The following DHX57 variants were observed in gnomAD, a reference collection of about 807,000 sequenced individuals.
DHX57 encodes the protein DExH-box helicase 57.
Under a neutral mutation model 156.2 loss-of-function variants are expected in DHX57, and 105 were observed. The ratio of observed to expected loss-of-function variants is 0.67; its 90% CI spans 0.57 to 0.79. DHX57 has a LOEUF of 0.79. DHX57 is among the 30% of genes least tolerant of loss of function. The pLI is 0.00. For synonymous variants in DHX57, 704 were observed against 595.6 expected (o/e 1.18, Z -2.65); for missense variants, 1,847 against 1,661.9 (o/e 1.11, Z -1.94).
chr2:38,854,768 G>A (rs576884302), intron 8 of DHX57: 42 of 266,960 alleles, frequency 1.6e-4, no homozygotes, highest in South Asian at 1.3e-3. Flanking sequence ...CTCCATGTTG[G>A]TCAGGCTGGT....
chr2:38,803,097 T>A, intron 22 of DHX57, 182 bp from the exon 23 acceptor site: 1 of 623,094 alleles, frequency 1.6e-6, no homozygotes, highest in East Asian at 2.8e-5. Flanking sequence ...CTCTTGGACA[T>A]TTAATACATA....
intron 14 of DHX57, 98 bp from the exon 15 acceptor site, chr2:38,826,787 G>C: frequency 2.3e-6 from 3 of 1,322,152 alleles, no homozygotes; most frequent in Non-Finnish European, 3.1e-6. Context: ...TATGACTTCA[G>C]GTATTAGCAA....
chr2:38,802,866 G>A lies in DHX57; in HGVS notation c.3866C>T (p.Thr1289Ile). ...PYLLYHEKIK[T>I]SRVFIRDCSM... ...GCAGTCTCGGATGAATACTCGACTA[G>A]TTTTTATCTTCTCGTGGTACAACAG... The change falls in exon 23 of 24, where the codon ACT (threonine) becomes ATT (isoleucine). Residue 1289 changes from threonine (T) to isoleucine (I), a missense_variant. Transcript: ENST00000457308. The A allele has an allele frequency of 6.2e-7, 1 of 1,614,122 alleles. No homozygotes were observed.
chr2:38,828,969 C>T (rs1345420703), intron 13 of DHX57, among the ~76,000 whole-genome samples: 1 of 152,044 alleles, frequency 6.6e-6, no homozygotes, highest in Non-Finnish European at 1.5e-5. Flanking sequence ...GAGACAAGGC[C>T]TTGCTCTGTC....
intron 23 of DHX57, among the ~76,000 whole-genome samples, chr2:38,798,816 C>T (rs754528196): frequency 5.3e-5 from 8 of 152,036 alleles, no homozygotes; most frequent in Non-Finnish European, 1.2e-4. Context: ...TGGTGGCATG[C>T]GCCTGTAATC....
intron 23 of DHX57, among the ~76,000 whole-genome samples, chr2:38,800,867 A>G (rs910094504): frequency 6.6e-6 from 1 of 152,184 alleles, no homozygotes; most frequent in Non-Finnish European, 1.5e-5. Context: ...GTCTATATGA[A>G]ATGTGGCCAG....
rs1473874603 is a variant in DHX57, at chr2:38,810,187, G to A, written c.3682-3494C>T. Among the ~76,000 whole-genome samples the A allele has an allele frequency of 3.3e-5, 5 of 151,264 alleles. No individual in the cohort carries two copies. In the East Asian group the frequency reaches 9.7e-4, roughly 29 times the overall value. On this transcript the variant is annotated intron_variant, in intron 21 of 23. Coordinates refer to ENST00000457308, the MANE Select transcript of DHX57 (RefSeq NM_198963.3). ...AGGGATTACAGACGTGAGCCACCGT[G>A]GCTGGCCTTAGTCTTTTTTTTTTTT...
chr2:38,869,704 A>C (rs1360209094), intron 1 of DHX57, among the ~76,000 whole-genome samples: 1 of 152,232 alleles, frequency 6.6e-6, no homozygotes, highest in Non-Finnish European at 1.5e-5. Flanking sequence ...AAATAACAAT[A>C]AGAAGCCCCT....
At chr2:38,853,991 A>T in intron 9 of DHX57, 63 bp downstream of exon 9, 3 of 1,489,542 alleles carry the variant, frequency 2.0e-6, no homozygotes, top group Non-Finnish European at 1.8e-6. Context: ...CTAGAAAACA[A>T]TTTTTTCTGC....
At chr2:38,837,540 G>A (rs1671743752) in intron 13 of DHX57, among the ~76,000 whole-genome samples, 1 of 131,288 alleles carries the variant, frequency 7.6e-6, no homozygotes, top group Admixed American at 9.8e-5. Flanking sequence ...GAACCCGGGA[G>A]GCGGAGATTG....
intron 19 of DHX57, among the ~76,000 whole-genome samples, chr2:38,816,369 C>T (rs1670547772): frequency 6.6e-6 from 1 of 152,064 alleles, no homozygotes. Context: ...TGTGTGCCAC[C>T]ACGCCCAGCC....
At chr2:38,817,617 C>T (rs1334730408) in intron 19 of DHX57, among the ~76,000 whole-genome samples, 1 of 151,926 alleles carries the variant, frequency 6.6e-6, no homozygotes, top group Non-Finnish European at 1.5e-5. Flanking sequence ...TCCCTGGCCT[C>T]ATCACTTTGG....
At chr2:38,844,079 C>A (rs1434212185) in intron 11 of DHX57, among the ~76,000 whole-genome samples, 1 of 152,142 alleles carries the variant, frequency 6.6e-6, no homozygotes, top group Admixed American at 6.6e-5. Flanking sequence ...TTCTATAATC[C>A]TGACTTCCTC....
intron 13 of DHX57, among the ~76,000 whole-genome samples, chr2:38,829,435 G>A (rs1255014583): frequency 6.6e-6 from 1 of 151,734 alleles, no homozygotes; most frequent in East Asian, 1.9e-4. Flanking sequence ...GCACACGCCA[G>A]CTAATTTTTG....
chr2:38,848,816 G>T (rs1672426366), intron 9 of DHX57, among the ~76,000 whole-genome samples: 2 of 152,160 alleles, frequency 1.3e-5, no homozygotes, highest in African/African-American at 4.8e-5. Flanking sequence ...CCATCGGAGA[G>T]CAAAGGTGTC....
intron 23 of DHX57, among the ~76,000 whole-genome samples, chr2:38,800,221 G>T (rs576637364): frequency 2.0e-4 from 31 of 151,506 alleles, no homozygotes; most frequent in Non-Finnish European, 2.8e-4. Flanking sequence ...GGGCTTGGTG[G>T]TGTACGCCTG....
chr2:38,838,301 G>A (rs904704185), intron 12 of DHX57, among the ~76,000 whole-genome samples: 6 of 152,084 alleles, frequency 3.9e-5, no homozygotes, highest in African/African-American at 1.4e-4. Flanking sequence ...GGGTCTTGCT[G>A]TGTTGCCCAG....
At chr2:38,811,225 G>T in intron 21 of DHX57, 2 of 496,152 alleles carry the variant, frequency 4.0e-6, no homozygotes, top group South Asian at 1.7e-5. Flanking sequence ...ACTGGTTGTA[G>T]AACTCAGGGA....
At chr2:38,817,830 T>C (rs1670619399) in intron 19 of DHX57, among the ~76,000 whole-genome samples, 1 of 152,094 alleles carries the variant, frequency 6.6e-6, no homozygotes, top group Non-Finnish European at 1.5e-5. Flanking sequence ...CTGGAGTAGA[T>C]GGGATTACAG....
Sources: allele counts gnomAD v4.1 joint callset (sites outside exome capture counted in the v4.1 genomes callset), GRCh38; gene constraint gnomAD v4.1.1; transcripts MANE v1.5; gene names NCBI Gene and HGNC (gene_info 2026-07-23, HGNC 2026-07-21).